KCNIP4: variants seen among roughly 807,000 people sequenced by gnomAD.
KCNIP4 encodes the protein Kv channel-interacting protein 4.
In KCNIP4, 12 loss-of-function variants were observed where a neutral mutation model predicts 34.0. That is an observed-to-expected ratio of 0.35 (90% CI 0.23 to 0.57). The LOEUF is 0.57. Among genes scored for constraint, KCNIP4 ranks in the 20% least tolerant of loss-of-function variants. The pLI is 0.83. For synonymous variants in KCNIP4, 124 were observed against 102.2 expected (o/e 1.21, Z -1.29); for missense variants, 238 against 311.7 (o/e 0.76, Z 1.78).
chr4:21,215,640 TTGCCTGGC>T (rs1467907940), intron 1 of KCNIP4, among the ~76,000 whole-genome samples: 1 of 152,162 alleles, frequency 6.6e-6, no homozygotes, highest in African/African-American at 2.4e-5. Flanking sequence ...TCAAGGACTG[TTGCCTGGC>T]ACATCTTACA....
Position 21,262,116 on chromosome 4 carries a change from G to A in KCNIP4, c.62-379407C>T, listed in dbSNP as rs543131336. ...TTTTAAACGCATGCTCTTTCCTATC[G>A]CAATGACTTCCCATAAACAGTTCCT... On this transcript the variant is annotated intron_variant, in intron 1 of 8. Coordinates refer to ENST00000382152, the MANE Select transcript of KCNIP4 (RefSeq NM_025221.6). Among the ~76,000 whole-genome samples the A allele has an allele frequency of 3.3e-5, 5 of 152,058 alleles. 1 individual carries two copies. The South Asian group carries it at 8.3e-4, about 25-fold the overall frequency.
intron 1 of KCNIP4, among the ~76,000 whole-genome samples, chr4:21,263,573 C>G (rs1276941782): frequency 6.6e-6 from 1 of 152,208 alleles, no homozygotes; most frequent in Admixed American, 6.5e-5. Context: ...TGGCCTTGAC[C>G]TTCAAATCGG....
intron 1 of KCNIP4, among the ~76,000 whole-genome samples, chr4:21,552,879 T>C (rs571073875): frequency 6.6e-6 from 1 of 152,160 alleles, no homozygotes; most frequent in Non-Finnish European, 1.5e-5. Context: ...AAAATAAAAT[T>C]TCTGCTGAGT....
intron 1 of KCNIP4, among the ~76,000 whole-genome samples, chr4:21,290,944 A>T (rs909361445): frequency 6.6e-6 from 1 of 152,222 alleles, no homozygotes; most frequent in Non-Finnish European, 1.5e-5. Flanking sequence ...CTTTACAGAC[A>T]ATAGTCCATG....
At chr4:21,670,477 C>A (rs1002115530) in intron 1 of KCNIP4, among the ~76,000 whole-genome samples, 1 of 150,494 alleles carries the variant, frequency 6.6e-6, no homozygotes. Flanking sequence ...TGCTAGATGA[C>A]GAGTTAGTGA....
intron 1 of KCNIP4, chr4:21,763,042 A>G (rs1054686155): frequency 7.8e-7 from 1 of 1,288,836 alleles, no homozygotes; most frequent in Non-Finnish European, 1.0e-6. Context: ...TCTAGATTGA[A>G]TGGACATATG....
intron 3 of KCNIP4, among the ~76,000 whole-genome samples, chr4:20,837,418 C>T (rs1251718218): frequency 1.3e-5 from 2 of 151,930 alleles, no homozygotes; most frequent in Non-Finnish European, 2.9e-5. Flanking sequence ...AGTTACACTT[C>T]TATTAATGAA....
chr4:20,926,606 G>C (rs970910932), intron 1 of KCNIP4, among the ~76,000 whole-genome samples: 5 of 152,200 alleles, frequency 3.3e-5, no homozygotes, highest in African/African-American at 1.2e-4. Flanking sequence ...CTTTGGTAAA[G>C]TGAGAAATCC....
chr4:21,374,626 A>C (rs1397654433), intron 1 of KCNIP4, among the ~76,000 whole-genome samples: 1 of 147,750 alleles, frequency 6.8e-6, no homozygotes, highest in Non-Finnish European at 1.5e-5. Flanking sequence ...TGATAACTTA[A>C]TAGAGTGTTT....
intron 1 of KCNIP4, among the ~76,000 whole-genome samples, chr4:21,302,472 G>T (rs10516380): frequency 0.031 from 4,733 of 152,254 alleles, 165 homozygotes; most frequent in South Asian, 0.13. Context: ...AATCACATTT[G>T]CCAACTAAAA....
At chr4:21,684,014 TA>T (rs1463585065) in intron 1 of KCNIP4, among the ~76,000 whole-genome samples, 4 of 151,744 alleles carry the variant, frequency 2.6e-5, no homozygotes, top group African/African-American at 9.7e-5. Context: ...GCAGAAAAAA[TA>T]ACTATTGGGT....
At chr4:21,261,241 C>A (rs1441863266) in intron 1 of KCNIP4, among the ~76,000 whole-genome samples, 4 of 152,042 alleles carry the variant, frequency 2.6e-5, no homozygotes, top group Non-Finnish European at 5.9e-5. Flanking sequence ...CAATGCTTGG[C>A]TTTAAATAGG....
chr4:21,358,989 G>A (rs1718943557), intron 1 of KCNIP4, among the ~76,000 whole-genome samples: 1 of 151,970 alleles, frequency 6.6e-6, no homozygotes, highest in Admixed American at 6.6e-5. Context: ...ACCAAGCTGT[G>A]CTTCGACCAC....
At chr4:21,907,792 A>G (rs924371281) in intron 1 of KCNIP4, among the ~76,000 whole-genome samples, 3 of 152,182 alleles carry the variant, frequency 2.0e-5, no homozygotes, top group Non-Finnish European at 4.4e-5. Context: ...TTAGTACACA[A>G]TAATAATGTT....
chr4:21,755,214 T>C (rs1350123302), intron 1 of KCNIP4, among the ~76,000 whole-genome samples: 1 of 152,166 alleles, frequency 6.6e-6, no homozygotes, highest in East Asian at 1.9e-4. Context: ...TCTCTGCCAG[T>C]AGTTATTCAT....
In KCNIP4 at chr4:20,729,923, T is replaced by G. The variant is rs555576027; in HGVS notation, c.*159A>C. ...AGGATGCAAATTTATAACTGAAAGC[T>G]CAAATCTTTTGGGGATTGCTTTATA... On this transcript the variant is annotated 3_prime_UTR_variant, in exon 9 of 9. Transcript: ENST00000382152. The G allele has an allele frequency of 2.3e-5, 18 of 774,188 alleles. No individual in the cohort carries two copies. The highest frequency in any genetic ancestry group is 3.4e-5 in the South Asian group (1 of 29,380). 48.0% of individuals were successfully genotyped at this position (774,188 alleles called of 1,614,324 possible).
At chr4:21,412,797 G>T (rs1373418742) in intron 1 of KCNIP4, among the ~76,000 whole-genome samples, 1 of 152,076 alleles carries the variant, frequency 6.6e-6, no homozygotes, top group Non-Finnish European at 1.5e-5. Context: ...ATTTTATATG[G>T]TGTTCTGCTA....
chr4:21,744,992 T>C (rs1174475600), intron 1 of KCNIP4, among the ~76,000 whole-genome samples: 1 of 152,174 alleles, frequency 6.6e-6, no homozygotes, highest in Non-Finnish European at 1.5e-5. Context: ...AAAACAGTTT[T>C]ATGTTTTAAA....
At chr4:21,126,260 G>T (rs1040991719) in intron 1 of KCNIP4, among the ~76,000 whole-genome samples, 155 of 152,272 alleles carry the variant, frequency 1.0e-3, no homozygotes, top group African/African-American at 3.6e-3. Context: ...ATTTTGTGGA[G>T]ACCATTACGG....
Sources: gnomAD v4.1 joint callset for allele counts (sites outside exome capture counted in the v4.1 genomes callset) on GRCh38, gnomAD v4.1.1 for gene constraint, MANE v1.5 for transcripts, NCBI Gene and HGNC (gene_info 2026-07-23, HGNC 2026-07-21) for gene names.